Variants in KLHL18 observed in about 807,000 individuals in gnomAD.
The protein encoded by KLHL18 is kelch like family member 18.
KLHL18 carries 38 observed loss-of-function variants against 58.5 expected under a neutral mutation model. That is an observed-to-expected ratio of 0.65 (90% CI 0.50 to 0.85). The LOEUF (loss-of-function observed/expected upper bound fraction) is 0.85, where lower values mean the gene tolerates loss of function less well. Ranked by LOEUF, KLHL18 falls within the 40% of genes least tolerant of loss-of-function variation. KLHL18 has a pLI of 0.00. For missense variants in KLHL18, 624 were observed against 778.4 expected (o/e 0.80, Z 2.36); for synonymous variants, 303 against 301.9 (o/e 1.00, Z -0.04).
At chr3:47,304,051 C>G (rs1360847980) in intron 1 of KLHL18, among the ~76,000 whole-genome samples, 1 of 152,178 alleles carries the variant, frequency 6.6e-6, no homozygotes, top group Non-Finnish European at 1.5e-5. Context: ...GTGAAAGCTA[C>G]AGAGATTTTC....
rs535470131 is a variant in KLHL18, at chr3:47,335,395, G to A, written c.898+576G>A. On this transcript the variant is annotated intron_variant, in intron 6 of 9. Transcript: ENST00000232766. ...GAAACACACACATGCTTTACAGTCC[G>A]TGGGTTATTGGCAGTTTTTGAATCT... Among the ~76,000 whole-genome samples the A allele has an allele frequency of 1.1e-4, 17 of 152,326 alleles. No individual in the cohort carries two copies. In the East Asian group the frequency reaches 2.1e-3, roughly 19 times the overall value.
chr3:47,286,704 T>G (rs546201768), intron 1 of KLHL18, among the ~76,000 whole-genome samples: 3 of 152,232 alleles, frequency 2.0e-5, no homozygotes, highest in Non-Finnish European at 2.9e-5. Context: ...TGTAGGGTGA[T>G]GGACCTGTCG....
chr3:47,327,057 G>A (rs1286100599), intron 3 of KLHL18, among the ~76,000 whole-genome samples: 1 of 151,892 alleles, frequency 6.6e-6, no homozygotes, highest in Non-Finnish European at 1.5e-5. Flanking sequence ...TGGCCAACAT[G>A]GTGAAATGCC....
chr3:47,321,835 T>A (rs1004811859), intron 2 of KLHL18, among the ~76,000 whole-genome samples: 1 of 152,124 alleles, frequency 6.6e-6, no homozygotes. Flanking sequence ...GACATCTTAA[T>A]TGAAGTGAGG....
At chr3:47,295,738 TA>T (rs1247312913) in intron 1 of KLHL18, among the ~76,000 whole-genome samples, 170 of 151,822 alleles carry the variant, frequency 1.1e-3, no homozygotes, top group African/African-American at 3.7e-3. Flanking sequence ...TCAGTTAATT[TA>T]AAAAAAAATT....
At chr3:47,309,901 G>A (rs548181533) in intron 1 of KLHL18, among the ~76,000 whole-genome samples, 35 of 150,398 alleles carry the variant, frequency 2.3e-4, no homozygotes, top group African/African-American at 8.5e-4. Context: ...TGAGGCAGGA[G>A]AATCAGGCAG....
At chr3:47,312,010 GTT>G (rs993590613) in intron 1 of KLHL18, among the ~76,000 whole-genome samples, 13 of 152,334 alleles carry the variant, frequency 8.5e-5, no homozygotes, top group African/African-American at 3.1e-4. Flanking sequence ...AGTGGAAGTG[GTT>G]TAGTCTTTCT....
chr3:47,336,492 G>A, intron 6 of KLHL18, 43 bp from the exon 7 acceptor site: 1 of 1,517,212 alleles, frequency 6.6e-7, no homozygotes, highest in Non-Finnish European at 9.1e-7. Context: ...CTCTAAACAA[G>A]TGGTCTCATT....
In KLHL18 at chr3:47,300,578, G is replaced by T. The variant is rs1703001803; in HGVS notation, c.129+17484G>T. Reference sequence around the variant, plus strand: ...CCACACCCAGCCTAGCATTTTATATGATCACTGTTTTTTATTTTAGCCATT... The same window carrying T: ...CCACACCCAGCCTAGCATTTTATATTATCACTGTTTTTTATTTTAGCCATT... On this transcript the variant is annotated intron_variant, in intron 1 of 9. Coordinates refer to ENST00000232766, the MANE Select transcript of KLHL18 (RefSeq NM_025010.5). Among the ~76,000 whole-genome samples the T allele has an allele frequency of 2.8e-5, 4 of 144,098 alleles. No individual in the cohort carries two copies. The South Asian group carries it at 8.8e-4, about 32-fold the overall frequency. The allele number at this position is 144,098 out of a possible 152,430, so 94.5% of individuals were successfully genotyped here. A position where few individuals can be genotyped will look rare whatever the true frequency, so the allele number is the denominator to read the frequency against.
At chr3:47,317,302 C>T (rs1316738193) in intron 1 of KLHL18, among the ~76,000 whole-genome samples, 3 of 152,028 alleles carry the variant, frequency 2.0e-5, no homozygotes, top group East Asian at 1.9e-4. Context: ...TTAGTAGAGA[C>T]GGGGTTTCAC....
intron 8 of KLHL18, 120 bp downstream of exon 8, chr3:47,340,796 G>A (rs986814102): frequency 8.0e-5 from 87 of 1,080,846 alleles, no homozygotes; most frequent in Admixed American, 1.2e-4. Flanking sequence ...CTTTTTGCCC[G>A]TATAGTACTT....
intron 1 of KLHL18, among the ~76,000 whole-genome samples, chr3:47,306,938 T>C (rs1703160263): frequency 6.6e-6 from 1 of 152,234 alleles, no homozygotes; most frequent in East Asian, 1.9e-4. Flanking sequence ...ATCTATGAAA[T>C]ACCTAGTTTT....
chr3:47,303,866 G>T (rs1703078605), intron 1 of KLHL18, among the ~76,000 whole-genome samples: 1 of 151,738 alleles, frequency 6.6e-6, no homozygotes, highest in African/African-American at 2.4e-5. Context: ...GGGACTACAG[G>T]CACATGCCAC....
chr3:47,311,112 C>T (rs1331497446), intron 1 of KLHL18, among the ~76,000 whole-genome samples: 1 of 151,988 alleles, frequency 6.6e-6, no homozygotes, highest in East Asian at 1.9e-4. Flanking sequence ...TGGGTTCATG[C>T]CATTCTCCTG....
chr3:47,305,334 G>GTTTT (rs397744565), intron 1 of KLHL18, among the ~76,000 whole-genome samples: 92 of 70,302 alleles, frequency 1.3e-3, no homozygotes, highest in African/African-American at 1.8e-3. Context: ...ATTTTGTCAA[G>GTTTT]TTTTTTTTTT....
In KLHL18 at chr3:47,316,578, T is replaced by C. The variant is rs1333084222; in HGVS notation, c.130-3075T>C. 2.7e-5 allele frequency among the ~76,000 whole-genome samples: 2 copies of C among 74,530 alleles called. 1 individual carries two copies. The allele number at this position is 74,530 out of a possible 152,430, so 48.9% of individuals were successfully genotyped here. ...ATACATATATATGTATATGTGTGTA[T>C]ATATATACATATATACGTATATATG... is the stretch of plus-strand genomic sequence containing the variant. On this transcript the variant is annotated intron_variant, in intron 1 of 9. Transcript: ENST00000232766.
chr3:47,322,525 C>A, intron 2 of KLHL18, 43 bp from the exon 3 acceptor site: 1 of 1,535,898 alleles, frequency 6.5e-7, no homozygotes, highest in Non-Finnish European at 8.8e-7. Flanking sequence ...TGGGCCAAGA[C>A]TCGTCTCTGA....
chr3:47,309,044 C>G (rs1703218828), intron 1 of KLHL18, among the ~76,000 whole-genome samples: 1 of 152,180 alleles, frequency 6.6e-6, no homozygotes, highest in Non-Finnish European at 1.5e-5. Flanking sequence ...CCATTTAACC[C>G]TGAGTGGACA....
Position 47,344,175 on chromosome 3 carries a change from C to T in KLHL18, c.*234C>T. ...ACACAAGCTCCTCTGGATCCTGCAGCTGGTGACATGGAACTGTTTTCTGGT... is the reference window on the plus strand; with the variant it reads ...ACACAAGCTCCTCTGGATCCTGCAGTTGGTGACATGGAACTGTTTTCTGGT... On this transcript the variant is annotated 3_prime_UTR_variant, in exon 10 of 10. Transcript: ENST00000232766. The T allele has an allele frequency of 1.8e-6, 1 of 562,398 alleles. No individual in the cohort carries two copies. Among genetic ancestry groups the T allele is most frequent in the South Asian group, 2.4e-5 (1 of 40,984 alleles). 34.8% of individuals were successfully genotyped at this position (562,398 alleles called of 1,614,324 possible). A position where few individuals can be genotyped will look rare whatever the true frequency, so the allele number is the denominator to read the frequency against.
Sources: gnomAD v4.1 joint callset for allele counts (sites outside exome capture counted in the v4.1 genomes callset) on GRCh38, gnomAD v4.1.1 for gene constraint, MANE v1.5 for transcripts, NCBI Gene and HGNC (gene_info 2026-07-23, HGNC 2026-07-21) for gene names.